The following SLCO1B1 variants were observed in gnomAD, a reference collection of about 807,000 sequenced individuals.
SLCO1B1 encodes OATP-2.
Under a neutral mutation model 70.1 loss-of-function variants are expected in SLCO1B1, and 81 were observed. That is an observed-to-expected ratio of 1.16 (90% CI 0.97 to 1.39). SLCO1B1 has a LOEUF of 1.39. Among genes scored for constraint, SLCO1B1 ranks in the 40% most tolerant of loss-of-function variants. The pLI is 0.00. For missense variants in SLCO1B1, 895 were observed against 799.6 expected (o/e 1.12, Z -1.44); for synonymous variants, 283 against 271.5 (o/e 1.04, Z -0.42).
chr12:21,149,540 A>G (rs1940437960), intron 2 of SLCO1B1, among the ~76,000 whole-genome samples: 1 of 152,182 alleles, frequency 6.6e-6, no homozygotes, highest in South Asian at 2.1e-4. Flanking sequence ...CAGTGGGTGC[A>G]GCCAACAGGG....
intron 2 of SLCO1B1, among the ~76,000 whole-genome samples, chr12:21,153,530 T>C (rs1940500845): frequency 6.6e-6 from 1 of 152,126 alleles, no homozygotes; most frequent in Non-Finnish European, 1.5e-5. Context: ...CTCCCTGATG[T>C]ACTTAATAAA....
At position 21,197,203 on chromosome 12, in the gene SLCO1B1, T is replaced by C. The variant is rs755665151; in HGVS notation, c.970+15T>C. 6.2e-7 allele frequency: 1 copy of C among 1,611,914 alleles called. No homozygotes were observed. The highest frequency in any genetic ancestry group is 8.5e-7 in the Non-Finnish European group (1 of 1,178,942). On this transcript the variant is annotated intron_variant, in intron 8 of 14. Transcript: ENST00000256958. ...AAATGTGACTGGTAAGTATTTAACA[T>C]TCATTGTCAATTTGGAGTTGTTAAT...
chr12:21,149,804 G>A (rs1445345316), intron 2 of SLCO1B1, among the ~76,000 whole-genome samples: 2 of 152,120 alleles, frequency 1.3e-5, no homozygotes, highest in African/African-American at 4.8e-5. Flanking sequence ...ATAGCTGCAG[G>A]ATTTTCTTTT....
At chr12:21,212,501 G>T (rs1941300266) in intron 11 of SLCO1B1, among the ~76,000 whole-genome samples, 1 of 144,072 alleles carries the variant, frequency 6.9e-6, no homozygotes, top group African/African-American at 2.6e-5. Flanking sequence ...GTCAGTTTTG[G>T]AATAGGTGTG....
chr12:21,179,116 T>G (rs1159675073), intron 7 of SLCO1B1, 96 bp downstream of exon 7: 1 of 779,288 alleles, frequency 1.3e-6, no homozygotes, highest in African/African-American at 1.7e-5. Flanking sequence ...CTTTCAATAG[T>G]CCTTTGCTTA....
intron 7 of SLCO1B1, among the ~76,000 whole-genome samples, chr12:21,196,368 A>G (rs533901254): frequency 2.0e-5 from 3 of 152,206 alleles, no homozygotes; most frequent in Non-Finnish European, 4.4e-5. Context: ...TATGACTGAA[A>G]TAAAATGGTT....
chr12:21,148,749 A>G (rs941615629), intron 2 of SLCO1B1, among the ~76,000 whole-genome samples: 2 of 141,686 alleles, frequency 1.4e-5, no homozygotes, highest in African/African-American at 2.6e-5. Context: ...GTTTTTTCCA[A>G]TTCTGTGATG....
intron 1 of SLCO1B1, among the ~76,000 whole-genome samples, chr12:21,134,252 T>C (rs1180372696): frequency 1.3e-5 from 2 of 152,212 alleles, no homozygotes; most frequent in Non-Finnish European, 2.9e-5. Flanking sequence ...TTATTGAGGA[T>C]TTTTGCATCA....
rs4149043 is a variant in SLCO1B1, at chr12:21,176,332, G to C, written c.360-444G>C. ...TCTCTCATCTAGTTGAAATGGATTAGATTTTATTTTTACTACATTTTGAAG... is the reference window on the plus strand; with the variant it reads ...TCTCTCATCTAGTTGAAATGGATTACATTTTATTTTTACTACATTTTGAAG... On this transcript the variant is annotated intron_variant, in intron 4 of 14. Coordinates refer to ENST00000256958, the MANE Select transcript of SLCO1B1 (RefSeq NM_006446.5). Among the ~76,000 whole-genome samples, 4 of 152,134 alleles carry C rather than the reference G, an allele frequency of 2.6e-5. No homozygotes were observed. In the East Asian group the frequency reaches 7.7e-4, roughly 29 times the overall value.
chr12:21,177,951 T>C (rs1308876479), intron 5 of SLCO1B1, among the ~76,000 whole-genome samples: 1 of 152,124 alleles, frequency 6.6e-6, no homozygotes, highest in African/African-American at 2.4e-5. Context: ...ATAATGGATA[T>C]AATGAATATA....
chr12:21,209,220 C>T (rs547779825), intron 11 of SLCO1B1, among the ~76,000 whole-genome samples: 6 of 152,012 alleles, frequency 3.9e-5, no homozygotes, highest in East Asian at 1.9e-4. Flanking sequence ...CCTCCCACCC[C>T]ACAACAGTCC....
chr12:21,133,782 G>A (rs909337735), intron 1 of SLCO1B1, among the ~76,000 whole-genome samples: 14 of 152,052 alleles, frequency 9.2e-5, no homozygotes, highest in African/African-American at 1.9e-4. Context: ...CTGCAAACAG[G>A]GACAATTTGA....
intron 14 of SLCO1B1, among the ~76,000 whole-genome samples, chr12:21,232,266 G>C (rs1182447073): frequency 6.6e-6 from 1 of 152,156 alleles, no homozygotes; most frequent in East Asian, 1.9e-4. Flanking sequence ...TTTCCCAGAA[G>C]GATTCCAGTG....
intron 1 of SLCO1B1, among the ~76,000 whole-genome samples, chr12:21,136,344 G>A (rs151137867): frequency 0.015 from 2,224 of 152,050 alleles, 50 homozygotes; most frequent in African/African-American, 0.05. Context: ...TCTTTGTGGC[G>A]TACTCTGTAT....
chr12:21,137,649 A>G (rs1940245501), intron 1 of SLCO1B1, among the ~76,000 whole-genome samples: 1 of 152,210 alleles, frequency 6.6e-6, no homozygotes, highest in Non-Finnish European at 1.5e-5. Flanking sequence ...GGTGCAGGAT[A>G]TAATCTCCTG....
intron 2 of SLCO1B1, among the ~76,000 whole-genome samples, chr12:21,152,410 A>AT (rs932471517): frequency 8.7e-5 from 13 of 148,692 alleles, no homozygotes; most frequent in Admixed American, 4.7e-4. Flanking sequence ...AATTATATAT[A>AT]TTTTTTTTCT....
chr12:21,139,164 A>G (rs1940272691), intron 1 of SLCO1B1, among the ~76,000 whole-genome samples: 2 of 152,276 alleles, frequency 1.3e-5, no homozygotes, highest in East Asian at 3.9e-4. Context: ...TGCAAGTCAT[A>G]CAGAGATATT....
intron 1 of SLCO1B1, 140 bp from the exon 2 acceptor site, chr12:21,141,374 A>C (rs1940304862): frequency 2.5e-6 from 1 of 397,538 alleles, no homozygotes; most frequent in Non-Finnish European, 4.6e-6. Context: ...GCATTGACCT[A>C]GCAGAGTGGT....
At chr12:21,213,687 C>T (rs1434590183) in intron 11 of SLCO1B1, among the ~76,000 whole-genome samples, 1 of 141,342 alleles carries the variant, frequency 7.1e-6, no homozygotes, top group Non-Finnish European at 1.5e-5. Flanking sequence ...TTCTCCCCAT[C>T]ACTTTCAGGT....
Sources: allele counts gnomAD v4.1 joint callset (sites outside exome capture counted in the v4.1 genomes callset), GRCh38; gene constraint gnomAD v4.1.1; transcripts MANE v1.5; gene names NCBI Gene and HGNC (gene_info 2026-07-23, HGNC 2026-07-21).